The following NT5E variants were observed in gnomAD, a reference collection of about 807,000 sequenced individuals.
NT5E encodes the protein 5'-nucleotidase ecto.
Under a neutral mutation model 55.1 loss-of-function variants are expected in NT5E, and 53 were observed. That is an observed-to-expected ratio of 0.96 (90% confidence interval 0.77 to 1.21). NT5E has a LOEUF of 1.21. Among genes scored for constraint, NT5E ranks in the 50% most tolerant of loss-of-function variants. NT5E has a pLI of 0.00. For missense variants in NT5E, 683 were observed against 724.3 expected, an observed-to-expected ratio of 0.94 and a Z score of 0.65; for synonymous variants, 270 against 278.4, an observed-to-expected ratio of 0.97 and a Z score of 0.30.
intron 2 of NT5E, 107 bp from the exon 3 acceptor site, chr6:85,471,130 T>G (rs1454982711): frequency 5.6e-6 from 4 of 720,406 alleles, no homozygotes; most frequent in Non-Finnish European, 8.7e-6. Context: ...TACTGACTCT[T>G]GAGCTTTAGT....
chr6:85,462,386 A>T (rs1441076128), intron 1 of NT5E, among the ~76,000 whole-genome samples: 1 of 151,250 alleles, frequency 6.6e-6, no homozygotes, highest in South Asian at 2.1e-4. Flanking sequence ...TAGCAGCATC[A>T]TTTTTTTTTC....
chr6:85,480,887 C>G (rs1249921171), intron 3 of NT5E, among the ~76,000 whole-genome samples: 5 of 152,078 alleles, frequency 3.3e-5, no homozygotes, highest in African/African-American at 1.2e-4. Flanking sequence ...TCCTATGGTC[C>G]AGAAACCAGA....
Position 85,490,556 on chromosome 6 carries a change from C to T in NT5E, c.1259C>T (p.Thr420Ile), listed in dbSNP as rs370017735. 1.9e-6 allele frequency: 3 copies of T among 1,614,094 alleles called. No individual in the cohort carries two copies. The African/African-American group carries it at 4.0e-5, about 22-fold the overall frequency. The change falls in exon 7 of 9, where the codon ACA becomes ATA. Residue 420 changes from threonine (T) to isoleucine (I), a missense_variant. Transcript: ENST00000257770. ...GCTGCTGTATTGCCCTTTGGAGGCA[C>T]ATTTGACCTAGTCCAGTTAAAAGGT... Reference protein sequence around the residue: ...NLAAVLPFGGTFDLVQLKGST... With the variant: ...NLAAVLPFGGIFDLVQLKGST...
In NT5E at chr6:85,494,161, A is replaced by G; in HGVS notation, c.*157A>G. The G allele has an allele frequency of 1.3e-6, 1 of 745,452 alleles. No individual in the cohort carries two copies. Among genetic ancestry groups the G allele is most frequent in the Admixed American group, 2.6e-5 (1 of 39,212 alleles). 46.2% of individuals were successfully genotyped at this position (745,452 alleles called of 1,614,324 possible). The stretch of plus-strand genomic sequence containing the variant: ...ATTATAAAATGAAGAGACAGACATG[A>G]TTACTCAGGGTCAGCAACCTAGTGA... On this transcript the variant is annotated 3_prime_UTR_variant, in exon 9 of 9. Coordinates refer to ENST00000257770, the MANE Select transcript of NT5E (RefSeq NM_002526.4).
At chr6:85,493,309 C>G (rs1321238912) in intron 8 of NT5E, among the ~76,000 whole-genome samples, 1 of 152,116 alleles carries the variant, frequency 6.6e-6, no homozygotes, top group African/African-American at 2.4e-5. Context: ...TTCTTAAGTA[C>G]TGGAGTGATA....
chr6:85,492,913 G>A (rs113865067), intron 8 of NT5E, among the ~76,000 whole-genome samples: 2,063 of 152,222 alleles, frequency 0.014, 45 homozygotes, highest in African/African-American at 0.048. Flanking sequence ...TCCAAGGAGC[G>A]TGGAGGGCAG....
At position 85,491,881 on chromosome 6, in the gene NT5E, C is replaced by T. The variant is rs1430139904; in HGVS notation, c.1361-96C>T. The T allele has an allele frequency of 6.6e-6, 7 of 1,067,856 alleles. 1 individual carries two copies. Among genetic ancestry groups the T allele is most frequent in the Non-Finnish European group, 1.0e-5 (7 of 684,948 alleles). The allele number at this position is 1,067,856 out of a possible 1,614,324, so 66.1% of individuals were successfully genotyped here. On this transcript the variant is annotated intron_variant, in intron 7 of 8. Coordinates refer to ENST00000257770, the MANE Select transcript of NT5E (RefSeq NM_002526.4). ...CAGGTTTAAACCAAAGGAAAAACCA[C>T]AGCCCCATGCCCCAATTGTAGAGTT...
chr6:85,484,297 A>G, intron 3 of NT5E, among the ~76,000 whole-genome samples: 1 of 152,300 alleles, frequency 6.6e-6, no homozygotes, highest in East Asian at 1.9e-4. Flanking sequence ...CCTTGGAGGT[A>G]AGATATAAGC....
At chr6:85,478,257 A>C (rs1769475441) in intron 3 of NT5E, among the ~76,000 whole-genome samples, 1 of 152,196 alleles carries the variant, frequency 6.6e-6, no homozygotes, top group Admixed American at 6.5e-5. Flanking sequence ...CTGCTTTCCA[A>C]GATGAAGTGA....
intron 4 of NT5E, among the ~76,000 whole-genome samples, chr6:85,486,170 T>G: frequency 6.6e-6 from 1 of 152,148 alleles, no homozygotes; most frequent in Non-Finnish European, 1.5e-5. Context: ...AACATTTGTA[T>G]GTAGAAGTAC....
intron 3 of NT5E, among the ~76,000 whole-genome samples, chr6:85,474,290 G>C (rs1397104810): frequency 6.6e-6 from 1 of 152,140 alleles, no homozygotes; most frequent in Middle Eastern, 3.2e-3. Context: ...AAAAATATAT[G>C]TTCAGTACAG....
chr6:85,468,451 T>A (rs1769238559), intron 2 of NT5E, among the ~76,000 whole-genome samples: 1 of 152,214 alleles, frequency 6.6e-6, no homozygotes, highest in Non-Finnish European at 1.5e-5. Context: ...GCACAGGACA[T>A]TCCAGAAGTG....
In NT5E at chr6:85,467,014, T is replaced by C. The variant is rs773964243; in HGVS notation, c.340-46T>C. The C allele has an allele frequency of 5.8e-6, 9 of 1,547,922 alleles. No individual in the cohort carries two copies. The South Asian group carries it at 9.0e-5, about 16-fold the overall frequency. On this transcript the variant is annotated intron_variant, in intron 1 of 8. Transcript: ENST00000257770. ...TTTGAGAAATACTGGACTAATGTTA[T>C]GTTTTTAAAGCACCTAATTCTTTTT... is the stretch of plus-strand genomic sequence containing the variant.
chr6:85,463,370 G>A (rs1219962369), intron 1 of NT5E, among the ~76,000 whole-genome samples: 1 of 152,190 alleles, frequency 6.6e-6, no homozygotes, highest in African/African-American at 2.4e-5. Flanking sequence ...AACAGAACAA[G>A]AGAGAAAGAG....
chr6:85,492,271 C>T, intron 8 of NT5E, 94 bp downstream of exon 8: 1 of 1,100,042 alleles, frequency 9.1e-7, no homozygotes, highest in African/African-American at 1.5e-5. Context: ...AAGTGACTCC[C>T]TGTATTGCTG....
chr6:85,480,506 G>T (rs574007723), intron 3 of NT5E, among the ~76,000 whole-genome samples: 1 of 152,202 alleles, frequency 6.6e-6, no homozygotes, highest in East Asian at 1.9e-4. Context: ...ACTGGAGAGC[G>T]TGCTCTGTCC....
At position 85,467,165 on chromosome 6, in the gene NT5E, C is replaced by T; in HGVS notation, c.445C>T (p.Pro149Ser). Residue 149 changes from proline (P) to serine (S), a missense_variant, in exon 2 of 9, where the codon CCA becomes TCA. Pro to Ser is a moderately conservative substitution (Grantham distance 74). Coordinates refer to ENST00000257770, the MANE Select transcript of NT5E (RefSeq NM_002526.4). ...ILSANIKAKG[P>S]LASQISGLYL... ...GAGTGCAAACATTAAAGCAAAGGGG[C>T]CACTAGCATCTCAAATATCAGGACT... The T allele has an allele frequency of 6.2e-7, 1 of 1,614,068 alleles. No homozygotes were observed. The highest frequency in any genetic ancestry group is 1.3e-5 in the African/African-American group (1 of 75,022).
intron 1 of NT5E, among the ~76,000 whole-genome samples, chr6:85,458,159 G>A (rs1213258724): frequency 6.6e-6 from 1 of 152,228 alleles, no homozygotes; most frequent in East Asian, 1.9e-4. Flanking sequence ...CTTTCTTGAG[G>A]AAAGAAAAAT....
intron 1 of NT5E, among the ~76,000 whole-genome samples, chr6:85,461,941 T>C (rs1009661677): frequency 6.6e-6 from 1 of 152,124 alleles, no homozygotes; most frequent in Non-Finnish European, 1.5e-5. Flanking sequence ...AGAAGGGCGC[T>C]TAGCTCCAGT....
Sources: gnomAD v4.1 joint callset for allele counts (sites outside exome capture counted in the v4.1 genomes callset) on GRCh38, gnomAD v4.1.1 for gene constraint, MANE v1.5 for transcripts, NCBI Gene and HGNC (gene_info 2026-07-23, HGNC 2026-07-21) for gene names.